GPR89A: variants seen among roughly 807,000 people sequenced by gnomAD.
The protein encoded by GPR89A is G protein-coupled receptor 89A.
In GPR89A, 16 loss-of-function variants were observed where a neutral mutation model predicts 52.0. That is an observed-to-expected ratio of 0.31 (90% CI 0.21 to 0.47). The LOEUF is 0.47. GPR89A is among the 20% of genes least tolerant of loss of function. The probability of loss-of-function intolerance (pLI) is 1.00; values close to 1 mark genes in which losing one functional copy is unlikely to be tolerated. For missense variants in GPR89A, 135 were observed against 449.4 expected (o/e 0.30, Z 6.33); for synonymous variants, 55 against 150.9 (o/e 0.36, Z 4.66).
chr1:145,625,209 G>A (rs191371028), intron 5 of GPR89A, among the ~76,000 whole-genome samples: 1 of 151,694 alleles, frequency 6.6e-6, no homozygotes, highest in Admixed American at 6.6e-5. Flanking sequence ...AACGTTAAAG[G>A]CCGGAAAACT....
chr1:145,654,276 G>A (rs1553694117), intron 10 of GPR89A, among the ~76,000 whole-genome samples: 3 of 152,122 alleles, frequency 2.0e-5, no homozygotes, highest in Non-Finnish European at 4.4e-5. Context: ...ATGTTGAGCT[G>A]GGCGTGGTGG....
intron 7 of GPR89A, among the ~76,000 whole-genome samples, chr1:145,632,110 A>G (rs1553689942): frequency 6.7e-6 from 1 of 150,044 alleles, no homozygotes; most frequent in African/African-American, 2.5e-5. Flanking sequence ...TAGATAAATT[A>G]TTAGAATTTT....
chr1:145,668,389 T>TA (rs1450382049), intron 12 of GPR89A, among the ~76,000 whole-genome samples: 2 of 152,198 alleles, frequency 1.3e-5, no homozygotes, highest in African/African-American at 4.8e-5. Flanking sequence ...TATTGGTCTA[T>TA]AAGAATGCTT....
chr1:145,627,643 TTGATAG>T (rs1649599723), intron 5 of GPR89A, among the ~76,000 whole-genome samples: 1 of 152,200 alleles, frequency 6.6e-6, no homozygotes, highest in African/African-American at 2.4e-5. Flanking sequence ...CCCCCTGAAA[TTGATAG>T]TCTTGTGGGT....
At chr1:145,651,029 G>T (rs1651414590) in intron 10 of GPR89A, among the ~76,000 whole-genome samples, 1 of 151,632 alleles carries the variant, frequency 6.6e-6, no homozygotes, top group Non-Finnish European at 1.5e-5. Context: ...TTGCTTTTGT[G>T]GCAATTGCTT....
chr1:145,650,740 T>TA (rs1326163101), intron 10 of GPR89A, among the ~76,000 whole-genome samples: 1 of 151,652 alleles, frequency 6.6e-6, no homozygotes, highest in Non-Finnish European at 1.5e-5. Context: ...TGATCAGTGA[T>TA]ACTGAGCTTG....
intron 10 of GPR89A, 49 bp downstream of exon 10, chr1:145,647,316 A>G (rs1553692763): frequency 2.5e-6 from 4 of 1,584,382 alleles, no homozygotes; most frequent in Non-Finnish European, 3.4e-6. Flanking sequence ...TTTTCCTGGT[A>G]GTGGCAGGGA....
At chr1:145,636,040 A>G (rs868991377) in intron 7 of GPR89A, among the ~76,000 whole-genome samples, 24 of 152,116 alleles carry the variant, frequency 1.6e-4, no homozygotes, top group African/African-American at 5.6e-4. Context: ...GTGCTAAGGA[A>G]TTGACTCTGA....
At chr1:145,613,611 C>T (rs587649352) in intron 1 of GPR89A, among the ~76,000 whole-genome samples, 4,502 of 151,250 alleles carry the variant, frequency 0.03, 206 homozygotes, top group African/African-American at 0.1. Context: ...CCTGTCTAGC[C>T]TCATTTTTAA....
chr1:145,612,118 T>C (rs1342963395), intron 1 of GPR89A: 3 of 152,140 alleles, frequency 2.0e-5, no homozygotes, highest in Non-Finnish European at 4.4e-5. Flanking sequence ...AATCAGCTAC[T>C]TGTTTCATTC....
intron 5 of GPR89A, among the ~76,000 whole-genome samples, chr1:145,629,448 A>G (rs1349155098): frequency 3.3e-5 from 5 of 152,180 alleles, no homozygotes; most frequent in Non-Finnish European, 5.9e-5. Flanking sequence ...CAAAGGTAGG[A>G]AAAATAAAGA....
intron 13 of GPR89A, 51 bp from the exon 14 acceptor site, chr1:145,669,783 G>A (rs1433154207): frequency 3.7e-5 from 47 of 1,279,568 alleles, no homozygotes; most frequent in East Asian, 2.5e-4. Context: ...CCTTTGTCCT[G>A]TTCCTCACTA....
intron 10 of GPR89A, among the ~76,000 whole-genome samples, chr1:145,658,168 G>A (rs1477314367): frequency 2.6e-5 from 4 of 151,834 alleles, no homozygotes; most frequent in Non-Finnish European, 5.9e-5. Flanking sequence ...AATGGGGTTG[G>A]GGGGGAGCTT....
chr1:145,665,229 T>A (rs587745043), intron 11 of GPR89A, among the ~76,000 whole-genome samples: 85 of 152,278 alleles, frequency 5.6e-4, no homozygotes, highest in Middle Eastern at 3.4e-3. Flanking sequence ...ATGCCTGTAA[T>A]ACCAACACTT....
chr1:145,609,822 C>G (rs1352252626), intron 1 of GPR89A, among the ~76,000 whole-genome samples: 2 of 152,084 alleles, frequency 1.3e-5, no homozygotes, highest in Non-Finnish European at 1.5e-5. Flanking sequence ...AAGAAAGACC[C>G]AAAGATTCCT....
chr1:145,614,749 AT>A (rs1553686686), intron 1 of GPR89A, among the ~76,000 whole-genome samples: 2 of 152,222 alleles, frequency 1.3e-5, no homozygotes, highest in African/African-American at 4.8e-5. Flanking sequence ...ATTTATCTGC[AT>A]TTGGGAGGGC....
At chr1:145,610,114 C>T (rs587595063) in intron 1 of GPR89A, among the ~76,000 whole-genome samples, 8 of 152,094 alleles carry the variant, frequency 5.3e-5, no homozygotes, top group African/African-American at 1.9e-4. Flanking sequence ...AGATCAGTTG[C>T]GGGCACATAG....
intron 5 of GPR89A, among the ~76,000 whole-genome samples, chr1:145,625,074 C>T (rs1365214521): frequency 6.7e-6 from 1 of 149,236 alleles, no homozygotes; most frequent in Non-Finnish European, 1.5e-5. Context: ...GCAGGAATTT[C>T]GGGAGAGAGG....
At chr1:145,667,392 A>C (rs1286413429) in intron 12 of GPR89A, among the ~76,000 whole-genome samples, 2 of 152,144 alleles carry the variant, frequency 1.3e-5, no homozygotes, top group Non-Finnish European at 2.9e-5. Flanking sequence ...GTGTCTGTTC[A>C]TATCCTTTGC....
Sources: gnomAD v4.1 joint callset for allele counts (sites outside exome capture counted in the v4.1 genomes callset) on GRCh38, gnomAD v4.1.1 for gene constraint, MANE v1.5 for transcripts, NCBI Gene and HGNC (gene_info 2026-07-23, HGNC 2026-07-21) for gene names.